The following RNF121 variants were observed in gnomAD, a reference collection of about 807,000 sequenced individuals.
RNF121 encodes the protein E3 ubiquitin ligase RNF121.
RNF121 carries 21 observed loss-of-function variants against 46.5 expected under a neutral mutation model. That is an observed-to-expected ratio of 0.45 (90% CI 0.32 to 0.65). RNF121 has a LOEUF of 0.65. RNF121 is among the 30% of genes least tolerant of loss of function. The pLI, the probability that RNF121 is intolerant of heterozygous loss-of-function variation, is 0.04. For missense variants in RNF121, 346 were observed against 416.0 expected (o/e 0.83, Z 1.46); for synonymous variants, 139 against 144.7 (o/e 0.96, Z 0.28).
At chr11:71,929,477 A>G (rs1490758530) in intron 1 of RNF121, among the ~76,000 whole-genome samples, 5 of 151,964 alleles carry the variant, frequency 3.3e-5, no homozygotes, top group African/African-American at 4.8e-5. Flanking sequence ...TCTTCAGGGG[A>G]AGGCTGGGCT....
chr11:71,981,210 G>A (rs545503362), intron 3 of RNF121, among the ~76,000 whole-genome samples: 5 of 48,070 alleles, frequency 1.0e-4, no homozygotes, highest in East Asian at 9.5e-4. Context: ...CACCACACCC[G>A]GCTAATTTTT....
chr11:71,992,500 CTT>C (rs1326311847), intron 6 of RNF121, among the ~76,000 whole-genome samples: 4 of 152,142 alleles, frequency 2.6e-5, no homozygotes, highest in South Asian at 2.1e-4. Flanking sequence ...GAACTGAACT[CTT>C]GTTTCTATCA....
chr11:71,948,763 C>T (rs1953790828), intron 1 of RNF121, among the ~76,000 whole-genome samples: 1 of 152,098 alleles, frequency 6.6e-6, no homozygotes, highest in African/African-American at 2.4e-5. Flanking sequence ...ACTTATTAGC[C>T]TTGAATTCTT....
At chr11:71,968,470 C>T (rs1344895982) in intron 3 of RNF121, among the ~76,000 whole-genome samples, 1 of 152,172 alleles carries the variant, frequency 6.6e-6, no homozygotes, top group East Asian at 1.9e-4. Context: ...AGTTCTTCTG[C>T]CTGCCTAGGC....
At chr11:71,965,486 T>A (rs1436215693) in intron 3 of RNF121, among the ~76,000 whole-genome samples, 1 of 152,142 alleles carries the variant, frequency 6.6e-6, no homozygotes. Flanking sequence ...GCTGAAGTGA[T>A]CCATCCACCT....
chr11:71,937,684 A>G (rs1472281174), intron 1 of RNF121, among the ~76,000 whole-genome samples: 1 of 152,172 alleles, frequency 6.6e-6, no homozygotes, highest in East Asian at 1.9e-4. Context: ...TCAACTTTTT[A>G]GTCCTTGTCG....
intron 6 of RNF121, among the ~76,000 whole-genome samples, chr11:71,991,399 A>G (rs190571160): frequency 1.3e-5 from 2 of 152,308 alleles, no homozygotes; most frequent in East Asian, 1.9e-4. Context: ...CAGAATTACA[A>G]AAGTGTACAA....
chr11:71,984,501 C>T (rs946328012), intron 4 of RNF121, among the ~76,000 whole-genome samples: 1 of 151,830 alleles, frequency 6.6e-6, no homozygotes, highest in East Asian at 1.9e-4. Context: ...CAGGATGTCT[C>T]GATCTCCTGA....
intron 1 of RNF121, among the ~76,000 whole-genome samples, chr11:71,933,948 T>C (rs1348547372): frequency 6.6e-6 from 1 of 152,192 alleles, no homozygotes; most frequent in Non-Finnish European, 1.5e-5. Context: ...GAGAATTGAG[T>C]TATTGGATGA....
At chr11:71,957,353 G>C in intron 2 of RNF121, 89 bp downstream of exon 2, 1 of 854,436 alleles carries the variant, frequency 1.2e-6, no homozygotes, top group South Asian at 1.3e-5. Context: ...TTGCTTTCTT[G>C]TCAGTAGGAG....
rs1954982245 is a variant in RNF121 at position 71,996,536 on chromosome 11, A to C, written c.*221A>C. ...TTTTAAAAGAAAACTATTTTGATGA[A>C]TATATTTAAAAAACCTTTTTTTATT... On this transcript the variant is annotated 3_prime_UTR_variant, in exon 9 of 9. Transcript: ENST00000361756. The C allele has an allele frequency of 4.0e-6, 2 of 500,068 alleles. No individual in the cohort carries two copies. The highest frequency in any genetic ancestry group is 7.0e-6 in the Non-Finnish European group (2 of 285,708). The allele number at this position is 500,068 out of a possible 1,614,324, so 31.0% of individuals were successfully genotyped here. A position where few individuals can be genotyped will look rare whatever the true frequency, so the allele number is the denominator to read the frequency against.
At chr11:71,986,795 A>G (rs992862026) in intron 4 of RNF121, among the ~76,000 whole-genome samples, 1 of 151,804 alleles carries the variant, frequency 6.6e-6, no homozygotes, top group Admixed American at 6.6e-5. Flanking sequence ...AAAAAGAAAA[A>G]AAATACAAAG....
At chr11:71,963,627 AAG>A (rs1954195834) in intron 3 of RNF121, among the ~76,000 whole-genome samples, 1 of 151,976 alleles carries the variant, frequency 6.6e-6, no homozygotes, top group Non-Finnish European at 1.5e-5. Flanking sequence ...CCAAAAAAAA[AAG>A]AGTTTTATAG....
At chr11:71,967,340 G>GTTTTTT (rs1337661759) in intron 3 of RNF121, among the ~76,000 whole-genome samples, 1 of 138,620 alleles carries the variant, frequency 7.2e-6, no homozygotes, top group African/African-American at 2.7e-5. Flanking sequence ...AATTATGTGG[G>GTTTTTT]TTTTTTTTGT....
chr11:71,966,429 G>A (rs1198807632), intron 3 of RNF121, among the ~76,000 whole-genome samples: 1 of 151,998 alleles, frequency 6.6e-6, no homozygotes, highest in Admixed American at 6.6e-5. Context: ...TCTGTCAGTC[G>A]CTGATTCTTC....
chr11:71,955,110 G>A lies in RNF121; in HGVS notation c.64-2117G>A, dbSNP rs146808946. 3.7e-3 allele frequency among the ~76,000 whole-genome samples: 568 copies of A among 152,272 alleles called. 4 individuals carry two copies. The highest frequency in any genetic ancestry group is 0.013 in the African/African-American group (549 of 41,552). The stretch of plus-strand genomic sequence containing the variant: ...AGGGTGAGGGAAACAAGGTGCTAGG[G>A]TATAAACTTTAGAGAGCCATTCACT... On this transcript the variant is annotated intron_variant, in intron 1 of 8. Transcript: ENST00000361756.
chr11:71,968,432 TC>T (rs1245180076), intron 3 of RNF121, among the ~76,000 whole-genome samples: 15 of 152,198 alleles, frequency 9.9e-5, no homozygotes, highest in Admixed American at 9.2e-4. Context: ...ATCTTGCTGT[TC>T]CTGATTTTCT....
chr11:71,969,848 T>G (rs1004116994), intron 3 of RNF121, among the ~76,000 whole-genome samples: 3 of 152,326 alleles, frequency 2.0e-5, no homozygotes, highest in African/African-American at 7.2e-5. Context: ...ATTACAGGCA[T>G]GAGCCACCGT....
At chr11:71,979,823 G>GC (rs1157087617) in intron 3 of RNF121, among the ~76,000 whole-genome samples, 3 of 152,136 alleles carry the variant, frequency 2.0e-5, no homozygotes, top group Admixed American at 6.5e-5. Flanking sequence ...AGGAGTTTCT[G>GC]TTTTTTTCTC....
Sources: allele counts gnomAD v4.1 joint callset (sites outside exome capture counted in the v4.1 genomes callset), GRCh38; gene constraint gnomAD v4.1.1; transcripts MANE v1.5; gene names NCBI Gene and HGNC (gene_info 2026-07-23, HGNC 2026-07-21).